Variants in ARMC2 observed in about 807,000 individuals in gnomAD.
ARMC2 encodes armadillo repeat-containing protein 2.
A neutral mutation model predicts 90.3 loss-of-function variants in ARMC2; 67 were observed. The ratio of observed to expected loss-of-function variants is 0.74; its 90% CI spans 0.61 to 0.91. The LOEUF (loss-of-function observed/expected upper bound fraction) is 0.91, where lower values mean the gene tolerates loss of function less well. Ranked by LOEUF, ARMC2 falls within the 40% of genes least tolerant of loss-of-function variation. The pLI is 0.00. For synonymous variants in ARMC2, 393 were observed against 393.0 expected (o/e 1.00, Z 0.00); for missense variants, 920 against 1,030.9 (o/e 0.89, Z 1.47).
chr6:108,954,943 G>C (rs1562426075), intron 13 of ARMC2, among the ~76,000 whole-genome samples: 1 of 152,166 alleles, frequency 6.6e-6, no homozygotes, highest in Non-Finnish European at 1.5e-5. Flanking sequence ...GCAGGGTCAG[G>C]GTCTGGTGCA....
the ARMC2 span, among the ~76,000 whole-genome samples, chr6:109,022,218 T>C: frequency 9.2e-5 from 14 of 152,258 alleles, no homozygotes; most frequent in South Asian, 2.9e-3. Context: ...TACAAAGGCA[T>C]GTAATGCTGA....
chr6:108,849,317 G>T (rs892099721), intron 1 of ARMC2, among the ~76,000 whole-genome samples: 1 of 152,168 alleles, frequency 6.6e-6, no homozygotes, highest in African/African-American at 2.4e-5. Context: ...GATTCTGGTT[G>T]TTGATGTTGA....
In ARMC2 at chr6:108,882,966, A is replaced by T. The variant is rs1279594893; in HGVS notation, c.671+6616A>T. On this transcript the variant is annotated intron_variant, in intron 5 of 17. Transcript: ENST00000392644. The stretch of plus-strand genomic sequence containing the variant: ...ATGGACACATGGTATTCCAAGAAAA[A>T]TTTGATATGGAATAATCCATACTAA... Among the ~76,000 whole-genome samples, 4 of 152,222 alleles carry T rather than the reference A, an allele frequency of 2.6e-5. No individual in the cohort carries two copies. In the East Asian group the frequency reaches 5.8e-4, roughly 22 times the overall value.
chr6:108,946,945 G>A (rs1776847736), intron 12 of ARMC2, among the ~76,000 whole-genome samples: 7 of 152,226 alleles, frequency 4.6e-5, no homozygotes, highest in Admixed American at 4.6e-4. Flanking sequence ...AGAGAGTAAT[G>A]TGAGGTAGCA....
At chr6:108,922,073 A>T (rs1774632364) in intron 10 of ARMC2, among the ~76,000 whole-genome samples, 1 of 152,146 alleles carries the variant, frequency 6.6e-6, no homozygotes, top group African/African-American at 2.4e-5. Context: ...GAGTTCCTTG[A>T]GGACAGAGTA....
intron 12 of ARMC2, among the ~76,000 whole-genome samples, chr6:108,945,705 A>G (rs905569056): frequency 5.9e-5 from 9 of 152,264 alleles, no homozygotes; most frequent in African/African-American, 2.2e-4. Context: ...ATGCTTAGCC[A>G]TCGTGGTATC....
At chr6:109,027,433 C>T in the ARMC2 span, among the ~76,000 whole-genome samples, 5 of 142,038 alleles carry the variant, frequency 3.5e-5, no homozygotes, top group Admixed American at 1.5e-4. Flanking sequence ...GCTGAGATCG[C>T]GCCACTGCAC....
the ARMC2 span, among the ~76,000 whole-genome samples, chr6:108,984,267 T>G: frequency 6.6e-6 from 1 of 152,210 alleles, no homozygotes; most frequent in African/African-American, 2.4e-5. Flanking sequence ...GTCTTTTGTC[T>G]TAGTCTGTTC....
chr6:108,960,215 G>A (rs1051788385), intron 13 of ARMC2, among the ~76,000 whole-genome samples: 13 of 152,096 alleles, frequency 8.5e-5, no homozygotes, highest in Non-Finnish European at 1.2e-4. Context: ...ACCGGCGGGG[G>A]ACACCCCGGG....
At chr6:108,929,319 ACTATGCCAT>A (rs1250645683) in intron 11 of ARMC2, among the ~76,000 whole-genome samples, 2 of 152,164 alleles carry the variant, frequency 1.3e-5, no homozygotes, top group Admixed American at 6.5e-5. Context: ...CCTTTTACTG[ACTATGCCAT>A]CCTTTCTCAC....
the ARMC2 span, among the ~76,000 whole-genome samples, chr6:109,041,745 T>G: frequency 6.6e-6 from 1 of 151,982 alleles, no homozygotes. Context: ...AAATCCATAA[T>G]TATAGCAGGA....
the ARMC2 span, chr6:109,001,555 T>C: frequency 1.4e-5 from 19 of 1,314,730 alleles, no homozygotes; most frequent in Admixed American, 7.6e-5. Flanking sequence ...AAAATATACA[T>C]GCGCTACACT....
chr6:108,946,135 T>C (rs755968660), intron 12 of ARMC2, among the ~76,000 whole-genome samples: 23 of 152,238 alleles, frequency 1.5e-4, no homozygotes, highest in Non-Finnish European at 1.0e-4. Context: ...GGCTTTGCCC[T>C]TGTGGAACTG....
At chr6:108,854,531 A>T (rs767202492) in intron 2 of ARMC2, 46 bp downstream of exon 2, 7 of 1,534,518 alleles carry the variant, frequency 4.6e-6, no homozygotes, top group Non-Finnish European at 6.3e-6. Context: ...TTTAAGCACC[A>T]GGTTATACCT....
the ARMC2 span, among the ~76,000 whole-genome samples, chr6:109,039,687 T>C: frequency 6.6e-6 from 1 of 152,258 alleles, no homozygotes; most frequent in African/African-American, 2.4e-5. Context: ...CTAACCCAAA[T>C]GGCGAAATGA....
At chr6:108,998,855 T>G in the ARMC2 span, 7 of 1,347,216 alleles carry the variant, frequency 5.2e-6, no homozygotes, top group Non-Finnish European at 5.0e-6. Flanking sequence ...TGAGTCATCA[T>G]ACAAAGCCTA....
chr6:109,011,170 A>T, the ARMC2 span, among the ~76,000 whole-genome samples: 5 of 152,240 alleles, frequency 3.3e-5, no homozygotes, highest in Non-Finnish European at 5.9e-5. Context: ...AGGGAAAAGC[A>T]TGCATTCAGT....
chr6:109,052,584 G>C, the ARMC2 span, among the ~76,000 whole-genome samples: 1 of 152,038 alleles, frequency 6.6e-6, no homozygotes, highest in Non-Finnish European at 1.5e-5. Flanking sequence ...TTGAAAATGA[G>C]AGTATTCATT....
chr6:108,905,538 GAAAA>G (rs59313750), intron 8 of ARMC2, among the ~76,000 whole-genome samples: 1 of 130,154 alleles, frequency 7.7e-6, no homozygotes, highest in African/African-American at 2.9e-5. Context: ...AAAGAGTGAG[GAAAA>G]AAAAAAAAAG....
Sources: allele counts gnomAD v4.1 joint callset (sites outside exome capture counted in the v4.1 genomes callset), GRCh38; gene constraint gnomAD v4.1.1; transcripts MANE v1.5; gene names NCBI Gene and HGNC (gene_info 2026-07-23, HGNC 2026-07-21).